Variants in SPG7 observed in about 807,000 individuals in gnomAD.
The protein encoded by SPG7 is mitochondrial inner membrane m-AAA protease component paraplegin.
In SPG7, 103 loss-of-function variants were observed where a neutral mutation model predicts 81.9. That is an observed-to-expected ratio of 1.26 (90% confidence interval 1.07 to 1.48). The LOEUF (loss-of-function observed/expected upper bound fraction) is 1.48. Among genes scored for constraint, SPG7 ranks in the 40% most tolerant of loss-of-function variants. The probability of loss-of-function intolerance (pLI) is 0.00; values close to 1 mark genes in which losing one functional copy is unlikely to be tolerated. For missense variants in SPG7, 1,241 were observed against 1,087.3 expected, an observed-to-expected ratio of 1.14 and a Z score of -1.99; for synonymous variants, 534 against 444.2, an observed-to-expected ratio of 1.20 and a Z score of -2.54.
intron 6 of SPG7, chr16:89,530,131 A>C (rs2058321302): frequency 7.8e-6 from 2 of 256,978 alleles, no homozygotes; most frequent in South Asian, 4.4e-5. Context: ...GAGCCACTGC[A>C]CCTGGCCTTT....
chr16:89,532,011 G>A lies in SPG7; in HGVS notation c.1095G>A (p.Glu365=), dbSNP rs2058349997. 1 of 1,613,836 alleles carries A rather than the reference G, an allele frequency of 6.2e-7. No homozygotes were observed. Among genetic ancestry groups the A allele is most frequent in the Non-Finnish European group, 8.5e-7 (1 of 1,179,982 alleles). ...KTLLAKAVAT[E]AQVPFLAMAG... ...TGCTGGCCAAGGCGGTGGCCACGGA[G>A]GCTCAGGTGCCCTTCCTGGCGATGG... Residue 365 remains glutamate, a synonymous_variant, in exon 8 of 17, where the codon GAG becomes GAA. Transcript: ENST00000645818.
At position 89,553,887 on chromosome 16, in the gene SPG7, C is replaced by T; in HGVS notation, c.2030C>T (p.Pro677Leu). The T allele has an allele frequency of 1.2e-6, 2 of 1,613,290 alleles. No homozygotes were observed. The highest frequency in any genetic ancestry group is 1.3e-5 in the African/African-American group (1 of 75,078). Residue 677 changes from proline to leucine, a missense_variant, in exon 15 of 17, where the codon CCT becomes CTT. Physicochemically the swap from Pro to Leu is moderately conservative, Grantham distance 98. Coordinates refer to ENST00000645818, the MANE Select transcript of SPG7 (RefSeq NM_003119.4). ...CCTGGCATCGGGCCCATCTCCTTCC[C>T]TGAGGCGCAGGAGGGCCTCATGGGC... ...MAPGIGPISF[P>L]EAQEGLMGIG...
At chr16:89,523,475 A>G (rs1356723298) in intron 3 of SPG7, 2 of 342,616 alleles carry the variant, frequency 5.8e-6, no homozygotes, top group Non-Finnish European at 1.2e-5. Flanking sequence ...GTATGTTTTG[A>G]TATTTAGTAT....
At chr16:89,513,159 A>C in intron 3 of SPG7, 122 bp downstream of exon 3, 2 of 1,427,148 alleles carry the variant, frequency 1.4e-6, no homozygotes, top group Non-Finnish European at 9.5e-7. Context: ...GCAGTGGCTC[A>C]CACTTGTAAT....
At chr16:89,548,692 C>CA (rs909019944) in intron 12 of SPG7, 10 of 342,304 alleles carry the variant, frequency 2.9e-5, no homozygotes, top group African/African-American at 2.2e-4. Context: ...CGTGGCTGCT[C>CA]AGTGTGGGGT....
At chr16:89,534,606 G>A (rs2152404811) in intron 9 of SPG7, among the ~76,000 whole-genome samples, 1 of 152,354 alleles carries the variant, frequency 6.6e-6, no homozygotes, top group South Asian at 2.1e-4. Flanking sequence ...GTGGCTGTCT[G>A]GAGTCGTGTG....
At chr16:89,515,458 A>G (rs948265972) in intron 3 of SPG7, among the ~76,000 whole-genome samples, 4 of 146,666 alleles carry the variant, frequency 2.7e-5, no homozygotes, top group African/African-American at 1.0e-4. Context: ...CAGTAGATAC[A>G]GGGTTTTGCC....
chr16:89,536,529 CGGGTG>C (rs2058423145), intron 9 of SPG7, among the ~76,000 whole-genome samples: 2 of 101,616 alleles, frequency 2.0e-5, no homozygotes, highest in African/African-American at 3.9e-5. Context: ...TCAGGTGAGG[CGGGTG>C]AGGTCAGGTG....
At chr16:89,549,551 T>G in intron 12 of SPG7, 1 of 289,764 alleles carries the variant, frequency 3.5e-6, no homozygotes. Context: ...ACCTCTGGTC[T>G]CAGCTACTCA....
chr16:89,556,670 AT>A, intron 16 of SPG7: 1 of 576,090 alleles, frequency 1.7e-6, no homozygotes, highest in Non-Finnish European at 3.1e-6. Flanking sequence ...AAGTAGAAAA[AT>A]TAATGAGGCT....
intron 3 of SPG7, chr16:89,514,412 C>A (rs1464063736): frequency 6.8e-6 from 1 of 146,276 alleles, no homozygotes; most frequent in African/African-American, 2.5e-5. Context: ...CCTCCCCCTC[C>A]CGGGTTCAAG....
chr16:89,555,917 T>C lies in SPG7; in HGVS notation c.2182-970T>C, dbSNP rs6500427. ...CACGTGGGGATCGTGTTTGGGGCCCTTAGACTGTCGTCCCCAGCCAGCAGC... is the reference window on the plus strand; with the variant it reads ...CACGTGGGGATCGTGTTTGGGGCCCCTAGACTGTCGTCCCCAGCCAGCAGC... On this transcript the variant is annotated intron_variant, in intron 16 of 16. Transcript: ENST00000645818. 4.8e-3 allele frequency: 1,902 copies of C among 398,858 alleles called. 31 individuals carry two copies. The highest frequency in any genetic ancestry group is 0.036 in the African/African-American group (1,753 of 48,762). 24.7% of individuals were successfully genotyped at this position (398,858 alleles called of 1,614,324 possible). A position where few individuals can be genotyped will look rare whatever the true frequency, so the allele number is the denominator to read the frequency against.
At chr16:89,556,863 C>T in intron 16 of SPG7, 24 bp from the exon 17 acceptor site, 1 of 1,587,392 alleles carries the variant, frequency 6.3e-7, no homozygotes, top group Non-Finnish European at 8.7e-7. Context: ...GGGACTCACA[C>T]ACTGCTATGC....
At chr16:89,555,543 C>G (rs909803835) in intron 16 of SPG7, 79 of 217,876 alleles carry the variant, frequency 3.6e-4, no homozygotes, top group African/African-American at 1.7e-3. Flanking sequence ...TGCTGAGTCT[C>G]CCCAGTGTCC....
At chr16:89,523,833 G>A (rs1185147786) in intron 3 of SPG7, 173 bp from the exon 4 acceptor site, 3 of 863,706 alleles carry the variant, frequency 3.5e-6, no homozygotes, top group Non-Finnish European at 5.6e-6. Flanking sequence ...GAACAGCACA[G>A]CGTTAGTCTT....
chr16:89,550,398 C>A lies in SPG7; in HGVS notation c.1664-96C>A. 3.6e-6 allele frequency: 3 copies of A among 844,190 alleles called. No individual in the cohort carries two copies. The South Asian group carries it at 4.0e-5, about 11-fold the overall frequency. The allele number at this position is 844,190 out of a possible 1,614,324, so 52.3% of individuals were successfully genotyped here. On this transcript the variant is annotated intron_variant, in intron 12 of 16. Coordinates refer to ENST00000645818, the MANE Select transcript of SPG7 (RefSeq NM_003119.4). ...ATATTGGTCGGGCTGGTCTCGAACT[C>A]CTGTCCTCAGGTCATCCGCCCGCCT...
At chr16:89,516,953 A>G (rs2058105648) in intron 3 of SPG7, 1 of 152,186 alleles carries the variant, frequency 6.6e-6, no homozygotes, top group Non-Finnish European at 1.5e-5. Context: ...GAGAAAATAT[A>G]TTTCCTATTT....
At chr16:89,536,764 G>A (rs770303387) in intron 9 of SPG7, 1 of 1,613,868 alleles carries the variant, frequency 6.2e-7, no homozygotes, top group Non-Finnish European at 8.5e-7. Context: ...TCTCCAACCA[G>A]GTGCCTCTCT....
intron 10 of SPG7, 192 bp from the exon 11 acceptor site, chr16:89,546,466 C>G: frequency 1.2e-5 from 7 of 586,388 alleles, no homozygotes; most frequent in South Asian, 1.0e-4. Context: ...TCACTTGAAG[C>G]CAGGAGTTCG....
Sources: gnomAD v4.1 joint callset for allele counts (sites outside exome capture counted in the v4.1 genomes callset) on GRCh38, gnomAD v4.1.1 for gene constraint, MANE v1.5 for transcripts, NCBI Gene and HGNC (gene_info 2026-07-23, HGNC 2026-07-21) for gene names.